ARHGEF12: variants seen among roughly 807,000 people sequenced by gnomAD.
ARHGEF12 encodes the protein KMT2A/ARHGEF12 fusion protein.
A neutral mutation model predicts 211.2 loss-of-function variants in ARHGEF12; 66 were observed. That is an observed-to-expected ratio of 0.31 (90% CI 0.26 to 0.38). The LOEUF (loss-of-function observed/expected upper bound fraction) is 0.38, where lower values mean the gene tolerates loss of function less well. Among genes scored for constraint, ARHGEF12 ranks in the 10% least tolerant of loss-of-function variants. The probability of loss-of-function intolerance (pLI) is 1.00; values close to 1 mark genes in which losing one functional copy is unlikely to be tolerated. For synonymous variants in ARHGEF12, 592 were observed against 638.4 expected (o/e 0.93, Z 1.09); for missense variants, 1,429 against 1,869.5 (o/e 0.76, Z 4.34).
In ARHGEF12 at chr11:120,441,746, C is replaced by T. The variant is rs1565484099; in HGVS notation, c.1132C>T (p.Leu378=). 6.2e-7 allele frequency: 1 copy of T among 1,613,866 alleles called. No homozygotes were observed. Residue 378 remains leucine, a synonymous_variant, in exon 14 of 41, where the codon CTA becomes TTA. Coordinates refer to ENST00000397843, the MANE Select transcript of ARHGEF12 (RefSeq NM_015313.3). ...CAGCTGTTTCCAGAGCATTGAATTA[C>T]TAAAATCTCGCCCGGCTCATTTGGC... is the stretch of plus-strand genomic sequence containing the variant. ...QCSCFQSIEL[L]KSRPAHLAVF... is the part of the protein sequence containing the mutation.
At position 120,459,234 on chromosome 11, in the gene ARHGEF12, A is replaced by C; in HGVS notation, c.2441A>C (p.Tyr814Ser). The C allele has an allele frequency of 6.2e-7, 1 of 1,613,786 alleles. No homozygotes were observed. Among genetic ancestry groups the C allele is most frequent in the Non-Finnish European group, 8.5e-7 (1 of 1,179,828 alleles). Residue 814 changes from tyrosine (Y) to serine (S), a missense_variant, in exon 26 of 41, where the codon TAT (tyrosine) becomes TCT (serine). Transcript: ENST00000397843. ...RTLKVLDQVFYQRVSREGILS... is the reference protein window; with the variant it reads ...RTLKVLDQVFSQRVSREGILS... ...CTGAAGGTTCTTGATCAAGTGTTCT[A>C]TCAGCGAGTATCCAGAGAAGGAATT...
At position 120,458,007 on chromosome 11, in the gene ARHGEF12, A is replaced by G. The variant is rs1056824863; in HGVS notation, c.2226-73A>G. The G allele has an allele frequency of 2.9e-5, 43 of 1,488,184 alleles. No individual in the cohort carries two copies. In the African/African-American group the frequency reaches 5.3e-4, roughly 18 times the overall value. 92.2% of individuals were successfully genotyped at this position (1,488,184 alleles called of 1,614,324 possible). A position where few individuals can be genotyped will look rare whatever the true frequency, so the allele number is the denominator to read the frequency against. Reference sequence around the variant, plus strand: ...AGGAATCTGATTAGAATTTATTGTAATATAAAGATTTGTGCTGTTTCTCAT... The same window carrying G: ...AGGAATCTGATTAGAATTTATTGTAGTATAAAGATTTGTGCTGTTTCTCAT... On this transcript the variant is annotated intron_variant, in intron 24 of 40. Coordinates refer to ENST00000397843, the MANE Select transcript of ARHGEF12 (RefSeq NM_015313.3).
chr11:120,406,550 T>TTTTTA (rs532046130), intron 2 of ARHGEF12, among the ~76,000 whole-genome samples: 31 of 152,084 alleles, frequency 2.0e-4, no homozygotes, highest in African/African-American at 7.0e-4. Flanking sequence ...ATTACTTTAT[T>TTTTTA]TTTTATTTTA....
At chr11:120,457,674 G>C in intron 23 of ARHGEF12, 47 bp from the exon 24 acceptor site, 1 of 1,482,988 alleles carries the variant, frequency 6.7e-7, no homozygotes. Flanking sequence ...TAAATGTATT[G>C]ATCACCATTT....
chr11:120,363,234 A>G (rs1038192615), intron 1 of ARHGEF12, among the ~76,000 whole-genome samples: 2 of 152,214 alleles, frequency 1.3e-5, no homozygotes, highest in Non-Finnish European at 2.9e-5. Flanking sequence ...TGCTTTAACT[A>G]TTCTTTTCCA....
chr11:120,360,638 C>T (rs1943252576), intron 1 of ARHGEF12, among the ~76,000 whole-genome samples: 1 of 152,214 alleles, frequency 6.6e-6, no homozygotes, highest in African/African-American at 2.4e-5. Flanking sequence ...AGCGATCCGC[C>T]TACCTCGGCT....
intron 30 of ARHGEF12, among the ~76,000 whole-genome samples, chr11:120,471,905 T>C (rs1217688502): frequency 6.6e-6 from 1 of 152,202 alleles, no homozygotes; most frequent in Non-Finnish European, 1.5e-5. Flanking sequence ...CCTACAGATA[T>C]CCTACATGGA....
intron 1 of ARHGEF12, among the ~76,000 whole-genome samples, chr11:120,360,854 C>T (rs1185734621): frequency 7.2e-5 from 11 of 152,034 alleles, no homozygotes; most frequent in Admixed American, 7.2e-4. Context: ...GCAATGCATC[C>T]TTTGATATAG....
At chr11:120,416,540 T>C (rs967608389) in intron 4 of ARHGEF12, among the ~76,000 whole-genome samples, 12 of 152,344 alleles carry the variant, frequency 7.9e-5, no homozygotes, top group African/African-American at 2.9e-4. Context: ...TCTCATCTTC[T>C]AAAGCTGCCT....
intron 11 of ARHGEF12, among the ~76,000 whole-genome samples, chr11:120,433,912 C>A (rs896935694): frequency 6.6e-6 from 1 of 151,950 alleles, no homozygotes; most frequent in East Asian, 1.9e-4. Context: ...GAGCCAAGAT[C>A]GCGCCATTGC....
chr11:120,347,176 C>CTCCCT (rs1942775389), intron 1 of ARHGEF12, among the ~76,000 whole-genome samples: 1 of 83,738 alleles, frequency 1.2e-5, no homozygotes, highest in Non-Finnish European at 2.3e-5. Flanking sequence ...TCCTTCCTTC[C>CTCCCT]TTCCTTCCTT....
In ARHGEF12 at chr11:120,441,772, T is replaced by G; in HGVS notation, c.1158T>G (p.Ala386=). Residue 386 remains alanine (A), a synonymous_variant, in exon 14 of 41, where the codon GCT becomes GCG. Transcript: ENST00000397843. ...TAAAATCTCGCCCGGCTCATTTGGC[T>G]GTTTTCTTACACCATGTAGTTTCAC... The part of the protein sequence containing the change: ...ELLKSRPAHL[A]VFLHHVVSQF... 6.2e-7 allele frequency: 1 copy of G among 1,613,910 alleles called. No homozygotes were observed. The highest frequency in any genetic ancestry group is 8.5e-7 in the Non-Finnish European group (1 of 1,179,828).
At chr11:120,392,176 A>G (rs887344896) in intron 1 of ARHGEF12, among the ~76,000 whole-genome samples, 3 of 152,190 alleles carry the variant, frequency 2.0e-5, no homozygotes, top group Non-Finnish European at 4.4e-5. Context: ...TCTCAAATAC[A>G]TTAATCTGCT....
intron 32 of ARHGEF12, among the ~76,000 whole-genome samples, chr11:120,475,128 T>G (rs370713126): frequency 6.6e-6 from 1 of 152,162 alleles, no homozygotes; most frequent in East Asian, 1.9e-4. Flanking sequence ...GCTTGTTGTT[T>G]TTTATTTCCT....
chr11:120,410,387 A>G (rs1054584655), intron 4 of ARHGEF12: 8 of 151,810 alleles, frequency 5.3e-5, no homozygotes, highest in African/African-American at 1.9e-4. Context: ...TGAAAGACTG[A>G]TAAATTATTT....
At chr11:120,463,259 C>T (rs1946589707) in intron 27 of ARHGEF12, 1 of 152,292 alleles carries the variant, frequency 6.6e-6, no homozygotes, top group African/African-American at 2.4e-5. Flanking sequence ...GGCGCAGTGG[C>T]TCATGCCTAT....
chr11:120,480,272 T>G lies in ARHGEF12; in HGVS notation c.4079T>G (p.Ile1360Ser). Residue 1360 changes from isoleucine to serine, a missense_variant, in exon 38 of 41, where the codon ATT (isoleucine) becomes AGT (serine). Around this residue, in one of 7 missense-constraint regions of ARHGEF12, gnomAD observed 467 missense variants for 468.4 expected, o/e 1.00. Transcript: ENST00000397843. The stretch of plus-strand genomic sequence containing the variant: ...AACATTTTAGTAATGGACCACATGA[T>G]TATGACCCCAGAGATGCCTACCATG... ...ASNILVMDHMIMTPEMPTMEP... is the reference protein window; with the variant it reads ...ASNILVMDHMSMTPEMPTMEP... 1 of 1,614,142 alleles carries G rather than the reference T, an allele frequency of 6.2e-7. No individual in the cohort carries two copies. The highest frequency in any genetic ancestry group is 8.5e-7 in the Non-Finnish European group (1 of 1,180,028).
At position 120,473,082 on chromosome 11, in the gene ARHGEF12, C is replaced by T. The variant is rs1946917743; in HGVS notation, c.2988C>T (p.Thr996=). The T allele has an allele frequency of 6.2e-7, 1 of 1,613,622 alleles. No individual in the cohort carries two copies. Among genetic ancestry groups the T allele is most frequent in the Non-Finnish European group, 8.5e-7 (1 of 1,179,830 alleles). The change falls in exon 31 of 41, where the codon ACC becomes ACT. Residue 996 remains threonine (T), a synonymous_variant. Transcript: ENST00000397843. ...AAGATTATCAGCGTCGCCTTGATAC[C>T]TCCAGCCTGAAGTTGTCAGAGTACC... ...RLEDYQRRLD[T]SSLKLSEYPN...
At position 120,447,013 on chromosome 11, in the gene ARHGEF12, A is replaced by G; in HGVS notation, c.1517A>G (p.Asp506Gly). 6.2e-7 allele frequency: 1 copy of G among 1,614,244 alleles called. No individual in the cohort carries two copies. The highest frequency in any genetic ancestry group is 8.5e-7 in the Non-Finnish European group (1 of 1,180,040). Residue 506 changes from aspartate to glycine, a missense_variant, in exon 18 of 41, where the codon GAC becomes GGC. Physicochemically the swap from Asp to Gly is moderately conservative, Grantham distance 94 (BLOSUM62 -1). Coordinates refer to ENST00000397843, the MANE Select transcript of ARHGEF12 (RefSeq NM_015313.3). ...CTGACTAAACTTGATGCAGAGCGAG[A>G]CAAGGACCGATTGACTTTGGAGAAG... ...SELTKLDAER[D>G]KDRLTLEKER...
Sources: gnomAD v4.1 joint callset for allele counts (sites outside exome capture counted in the v4.1 genomes callset) on GRCh38, gnomAD v4.1.1 for gene constraint, gnomAD v4.1.1 regional missense constraint, MANE v1.5 for transcripts, NCBI Gene and HGNC (gene_info 2026-07-23, HGNC 2026-07-21) for gene names.